MBNL1: variants seen among roughly 807,000 people sequenced by gnomAD.
MBNL1 encodes the protein muscleblind-like protein 1.
A neutral mutation model predicts 42.2 loss-of-function variants in MBNL1; 8 were observed. The observed-to-expected ratio is 0.19, with a 90% CI of 0.11 to 0.34. The LOEUF (loss-of-function observed/expected upper bound fraction) is 0.34. MBNL1 is among the 10% of genes least tolerant of loss of function. The probability of loss-of-function intolerance (pLI) is 1.00; values close to 1 mark genes in which losing one functional copy is unlikely to be tolerated. For missense variants in MBNL1, 309 were observed against 495.3 expected, an observed-to-expected ratio of 0.62 and a Z score of 3.57; for synonymous variants, 169 against 173.9, an observed-to-expected ratio of 0.97 and a Z score of 0.22.
At chr3:152,449,108 A>G (rs1458412314) in intron 6 of MBNL1, among the ~76,000 whole-genome samples, 2 of 152,084 alleles carry the variant, frequency 1.3e-5, no homozygotes, top group African/African-American at 4.8e-5. Flanking sequence ...GTGTCCCTAG[A>G]TTTTCGCTGC....
intron 2 of MBNL1, among the ~76,000 whole-genome samples, chr3:152,408,713 T>C (rs2098495775): frequency 6.6e-6 from 1 of 151,652 alleles, no homozygotes; most frequent in South Asian, 2.1e-4. Flanking sequence ...CTAAATTCCA[T>C]GAGGTGTAAA....
chr3:152,285,143 T>TA, intron 1 of MBNL1, among the ~76,000 whole-genome samples: 1 of 152,258 alleles, frequency 6.6e-6, no homozygotes, highest in Non-Finnish European at 1.5e-5. Context: ...CTCCTTCACT[T>TA]ACACACACCT....
intron 2 of MBNL1, among the ~76,000 whole-genome samples, chr3:152,327,153 T>C (rs1186655916): frequency 6.6e-6 from 1 of 152,090 alleles, no homozygotes; most frequent in Non-Finnish European, 1.5e-5. Context: ...TTGATTAATA[T>C]GTTTTGATAA....
chr3:152,361,257 A>C (rs532484768), intron 2 of MBNL1, among the ~76,000 whole-genome samples: 12 of 152,180 alleles, frequency 7.9e-5, no homozygotes, highest in South Asian at 4.2e-4. Flanking sequence ...CTCATCTCAC[A>C]TGAGAGACAG....
chr3:152,365,884 T>C (rs1045305922), intron 2 of MBNL1, among the ~76,000 whole-genome samples: 3 of 152,152 alleles, frequency 2.0e-5, no homozygotes, highest in Non-Finnish European at 4.4e-5. Flanking sequence ...CACACATATA[T>C]TAGTGACAGG....
At chr3:152,322,899 G>A (rs1466904061) in intron 2 of MBNL1, among the ~76,000 whole-genome samples, 1 of 152,084 alleles carries the variant, frequency 6.6e-6, no homozygotes, top group East Asian at 1.9e-4. Context: ...TAATAAGCAT[G>A]AGACAGTGCT....
rs201857285 is a variant in MBNL1 at position 152,246,668 on chromosome 3, A to G, written n.333+2228A>G. On this transcript the variant is annotated intron_variant and non_coding_transcript_variant, in intron 2 of 2. Transcript: ENST00000477171. ...TGTTTTAGTAGATTATGTTTATGTG[A>G]CATGATTGTCTAAGAAGTTTTCATT... Among the ~76,000 whole-genome samples the G allele has an allele frequency of 3.3e-5, 5 of 152,002 alleles. No individual in the cohort carries two copies. The East Asian group carries it at 9.6e-4, about 29-fold the overall frequency.
In MBNL1 at chr3:152,422,544, G is replaced by A. The variant is rs568840650; in HGVS notation, c.345+7433G>A. Among the ~76,000 whole-genome samples the A allele has an allele frequency of 2.6e-3, 392 of 152,256 alleles. 1 individual carries two copies. Among genetic ancestry groups the A allele is most frequent in the African/African-American group, 9.1e-3 (379 of 41,530 alleles). On this transcript the variant is annotated intron_variant, in intron 3 of 9. Transcript: ENST00000324210. ...CTGTCAATATTAGACAGATCAACGA[G>A]GCAGAAAATTAACAAGGATATTCAG...
chr3:152,380,080 A>G (rs1184842433), intron 2 of MBNL1, among the ~76,000 whole-genome samples: 1 of 152,114 alleles, frequency 6.6e-6, no homozygotes, highest in Non-Finnish European at 1.5e-5. Flanking sequence ...TCAGTAGTAC[A>G]TAACAGGTTG....
chr3:152,357,906 G>A (rs1475022554), intron 2 of MBNL1, among the ~76,000 whole-genome samples: 1 of 152,136 alleles, frequency 6.6e-6, no homozygotes, highest in East Asian at 1.9e-4. Context: ...GGCAGAGAAA[G>A]GAAGAAAACT....
intron 1 of MBNL1, chr3:152,269,391 G>A (rs568107439): frequency 3.5e-5 from 13 of 368,538 alleles, no homozygotes; most frequent in Non-Finnish European, 7.1e-5. Context: ...GAAACAGGGG[G>A]GCGAGAAGAG....
chr3:152,410,148 T>C (rs2098531973), intron 2 of MBNL1, among the ~76,000 whole-genome samples: 1 of 152,088 alleles, frequency 6.6e-6, no homozygotes, highest in South Asian at 2.1e-4. Context: ...ACATATGTAA[T>C]GTAAAGGTAT....
intron 2 of MBNL1, among the ~76,000 whole-genome samples, chr3:152,408,264 C>T (rs2098482324): frequency 6.6e-6 from 1 of 152,002 alleles, no homozygotes; most frequent in South Asian, 2.1e-4. Flanking sequence ...TGTATATTTA[C>T]TCTGTGGTAT....
chr3:152,435,362 T>A (rs991604348), intron 4 of MBNL1, among the ~76,000 whole-genome samples: 25 of 152,224 alleles, frequency 1.6e-4, no homozygotes, highest in Non-Finnish European at 3.4e-4. Context: ...GTGTGCTGCA[T>A]TATTTCTGGG....
chr3:152,355,423 G>A (rs1231057278), intron 2 of MBNL1, among the ~76,000 whole-genome samples: 2 of 152,230 alleles, frequency 1.3e-5, no homozygotes, highest in African/African-American at 4.8e-5. Context: ...AAAAATCAGA[G>A]TGAATGTAAT....
At chr3:152,335,295 C>T (rs2088990687) in intron 2 of MBNL1, 1 of 1,275,982 alleles carries the variant, frequency 7.8e-7, no homozygotes, top group African/African-American at 1.5e-5. Context: ...CCTGCTCGCT[C>T]AAGGCCTGAG....
At chr3:152,406,037 A>T (rs750470016) in intron 2 of MBNL1, among the ~76,000 whole-genome samples, 2 of 152,172 alleles carry the variant, frequency 1.3e-5, no homozygotes, top group South Asian at 2.1e-4. Flanking sequence ...GCAGCCAACA[A>T]ATGTTGGAGT....
intron 3 of MBNL1, among the ~76,000 whole-genome samples, chr3:152,432,239 T>C (rs1187884797): frequency 6.6e-6 from 1 of 152,218 alleles, no homozygotes; most frequent in South Asian, 2.1e-4. Context: ...AACTCTTTTA[T>C]CCCCTGGGAG....
chr3:152,460,610 A>T (rs1294552398), intron 9 of MBNL1, among the ~76,000 whole-genome samples: 1 of 151,062 alleles, frequency 6.6e-6, no homozygotes, highest in Non-Finnish European at 1.5e-5. Flanking sequence ...AACTTAAAGT[A>T]TAAAAAAAAA....
Sources: gnomAD v4.1 joint callset for allele counts (sites outside exome capture counted in the v4.1 genomes callset) on GRCh38, gnomAD v4.1.1 for gene constraint, MANE v1.5 for transcripts, NCBI Gene and HGNC (gene_info 2026-07-23, HGNC 2026-07-21) for gene names.